Variants in STPG2 observed in about 807,000 individuals in gnomAD.
The protein encoded by STPG2 is sperm-tail PG-rich repeat-containing protein 2.
STPG2 carries 56 observed loss-of-function variants against 54.2 expected under a neutral mutation model. That is an observed-to-expected ratio of 1.03 (90% CI 0.83 to 1.29). The LOEUF (loss-of-function observed/expected upper bound fraction) is 1.29. Among genes scored for constraint, STPG2 ranks in the 50% most tolerant of loss-of-function variants. The pLI, the probability that STPG2 is intolerant of heterozygous loss-of-function variation, is 0.00. For missense variants in STPG2, 596 were observed against 544.9 expected, an observed-to-expected ratio of 1.09 and a Z score of -0.93; for synonymous variants, 200 against 181.8, an observed-to-expected ratio of 1.10 and a Z score of -0.81.
chr4:97,827,148 A>G (rs4632667), intron 9 of STPG2, among the ~76,000 whole-genome samples: 27,007 of 152,100 alleles, frequency 0.18, 3,048 homozygotes, highest in Middle Eastern at 0.27. Flanking sequence ...ATAGAAGTCT[A>G]AAGTAATCTT....
intron 5 of STPG2, among the ~76,000 whole-genome samples, chr4:98,094,158 T>G (rs1738774689): frequency 6.6e-6 from 1 of 152,144 alleles, no homozygotes. Flanking sequence ...TCCTTCCTTC[T>G]GCTTAAAGAG....
At chr4:97,922,996 A>C (rs1732165344) in intron 8 of STPG2, among the ~76,000 whole-genome samples, 1 of 152,174 alleles carries the variant, frequency 6.6e-6, no homozygotes, top group East Asian at 1.9e-4. Flanking sequence ...TTTTTCTACC[A>C]AAGTCATTTC....
intron 9 of STPG2, among the ~76,000 whole-genome samples, chr4:97,820,038 A>G (rs1040828900): frequency 6.6e-6 from 1 of 151,878 alleles, no homozygotes; most frequent in African/African-American, 2.4e-5. Context: ...TCTCAGTGCC[A>G]TTTTTCTAAC....
chr4:98,008,542 CTCACAGGT>C (rs1735643993), intron 5 of STPG2, among the ~76,000 whole-genome samples: 1 of 149,272 alleles, frequency 6.7e-6, no homozygotes, highest in African/African-American at 2.5e-5. Context: ...TTTATAAAAA[CTCACAGGT>C]TTTATAAATA....
At chr4:97,554,102 A>G (rs962960942), downstream of STPG2, among the ~76,000 whole-genome samples, 4 of 152,090 alleles carry the variant, frequency 2.6e-5, no homozygotes, top group Admixed American at 6.6e-5. Context: ...TATGTTTCCA[A>G]TTGCTTTAGT....
At chr4:97,835,271 G>A (rs1475152035) in intron 9 of STPG2, among the ~76,000 whole-genome samples, 1 of 152,078 alleles carries the variant, frequency 6.6e-6, no homozygotes, top group Admixed American at 6.6e-5. Flanking sequence ...AAATGCCATG[G>A]CAATGTCATA....
chr4:97,924,737 GATA>G (rs1318706004), intron 8 of STPG2, among the ~76,000 whole-genome samples: 1 of 152,158 alleles, frequency 6.6e-6, no homozygotes, highest in Non-Finnish European at 1.5e-5. Flanking sequence ...AGGTTTTAAT[GATA>G]ATAATACCAT....
rs895643157 is a variant in STPG2, at chr4:97,926,576, A to AG, written c.1044+17320dup. The stretch of plus-strand genomic sequence containing the variant: ...ACTATTGTCTCTGAAATGAACTTTA[A>AG]GAAATGTTTCCGAAGTAAAACACTT... On this transcript the variant is annotated intron_variant, in intron 8 of 10. Coordinates refer to ENST00000295268, the MANE Select transcript of STPG2 (RefSeq NM_174952.3). Among the ~76,000 whole-genome samples the AG allele has an allele frequency of 1.6e-4, 25 of 152,198 alleles. 1 individual carries two copies. Among genetic ancestry groups the AG allele is most frequent in the African/African-American group, 2.4e-5 (1 of 41,474 alleles).
intron 9 of STPG2, among the ~76,000 whole-genome samples, chr4:97,723,979 A>G (rs1411857317): frequency 6.6e-6 from 1 of 152,204 alleles, no homozygotes; most frequent in African/African-American, 2.4e-5. Flanking sequence ...CCATATCAGT[A>G]AGTTTGTCAG....
At chr4:97,511,641 T>C (rs1386821191) in intron 4 of STPG2, among the ~76,000 whole-genome samples, 1 of 152,062 alleles carries the variant, frequency 6.6e-6, no homozygotes, top group Non-Finnish European at 1.5e-5. Context: ...ATATAAAACA[T>C]CGTTATGCAC....
At chr4:98,066,709 T>C (rs13129479) in intron 5 of STPG2, among the ~76,000 whole-genome samples, 60,010 of 152,060 alleles carry the variant, frequency 0.39, 12,077 homozygotes, top group Middle Eastern at 0.46. Flanking sequence ...AGTAAATATA[T>C]ACTTCTTTCT....
At chr4:97,637,526 T>G (rs2148941083) in intron 10 of STPG2, among the ~76,000 whole-genome samples, 1 of 152,266 alleles carries the variant, frequency 6.6e-6, no homozygotes, top group Non-Finnish European at 1.5e-5. Flanking sequence ...TAAAGGGTAT[T>G]CAATTAGGAA....
chr4:97,804,797 A>G (rs1727502014), intron 9 of STPG2, among the ~76,000 whole-genome samples: 1 of 152,036 alleles, frequency 6.6e-6, no homozygotes, highest in Non-Finnish European at 1.5e-5. Context: ...TTTATACTGT[A>G]TTTTTACAGT....
At chr4:97,879,188 C>G (rs2149162884) in intron 8 of STPG2, among the ~76,000 whole-genome samples, 1 of 152,308 alleles carries the variant, frequency 6.6e-6, no homozygotes, top group Admixed American at 6.5e-5. Context: ...CTAGGAAGTT[C>G]CAAACTTTCC....
At chr4:98,109,056 A>G in intron 4 of STPG2, 137 bp downstream of exon 4, 1 of 511,408 alleles carries the variant, frequency 2.0e-6, no homozygotes, top group Non-Finnish European at 3.4e-6. Context: ...TTTCATATAC[A>G]TTACACCAAA....
At chr4:97,485,234 AG>A (rs1730324293) in intron 4 of STPG2, among the ~76,000 whole-genome samples, 1 of 151,866 alleles carries the variant, frequency 6.6e-6, no homozygotes, top group African/African-American at 2.4e-5. Context: ...AAAGAAATAA[AG>A]GGCATCCAAA....
intron 8 of STPG2, among the ~76,000 whole-genome samples, chr4:97,872,917 T>C (rs1386503783): frequency 6.6e-6 from 1 of 151,318 alleles, no homozygotes; most frequent in Non-Finnish European, 1.5e-5. Flanking sequence ...CATAGCCAGA[T>C]ATTCCTGTCC....
chr4:97,992,096 A>C (rs1281850074), intron 5 of STPG2, among the ~76,000 whole-genome samples: 1 of 151,898 alleles, frequency 6.6e-6, no homozygotes, highest in East Asian at 1.9e-4. Context: ...GAAGCTTTTT[A>C]GTTTAATTAA....
chr4:97,979,011 A>C (rs1734582916), intron 6 of STPG2, among the ~76,000 whole-genome samples: 1 of 152,226 alleles, frequency 6.6e-6, no homozygotes. Flanking sequence ...GATACAAAAT[A>C]GACAAAGGTG....
Sources: allele counts gnomAD v4.1 joint callset (sites outside exome capture counted in the v4.1 genomes callset), GRCh38; gene constraint gnomAD v4.1.1; transcripts MANE v1.5; gene names NCBI Gene and HGNC (gene_info 2026-07-23, HGNC 2026-07-21).